The following PDGFRA variants were observed in gnomAD, a reference collection of about 807,000 sequenced individuals.
The protein encoded by PDGFRA is platelet derived growth factor receptor alpha, also known as platelet-derived growth factor receptor alpha.
Under a neutral mutation model 121.5 loss-of-function variants are expected in PDGFRA, and 25 were observed. The observed-to-expected ratio is 0.21, with a 90% CI of 0.15 to 0.29. The LOEUF (loss-of-function observed/expected upper bound fraction) is 0.29. PDGFRA is among the 10% of genes least tolerant of loss of function. The pLI is 1.00. For synonymous variants in PDGFRA, 463 were observed against 494.8 expected (o/e 0.94, Z 0.85); for missense variants, 1,008 against 1,345.1 (o/e 0.75, Z 3.92).
chr4:54,264,163 A>G (rs940356841), intron 4 of PDGFRA: 1 of 575,226 alleles, frequency 1.7e-6, no homozygotes, highest in Non-Finnish European at 3.1e-6. Flanking sequence ...TGACTTCAAA[A>G]TACTGTAAGG....
chr4:54,241,514 A>AATTTATTTATTT (rs34623203), intron 1 of PDGFRA, among the ~76,000 whole-genome samples: 8 of 148,470 alleles, frequency 5.4e-5, no homozygotes, highest in South Asian at 2.1e-4. Context: ...ACTGAAAGGA[A>AATTTATTTATTT]ATTTATTTAT....
At chr4:54,264,837 A>T (rs2110256830) in intron 4 of PDGFRA, 82 bp from the exon 5 acceptor site, 1 of 1,251,368 alleles carries the variant, frequency 8.0e-7, no homozygotes. Context: ...GTTTTCTTAA[A>T]AAAAAAAAAA....
chr4:54,260,421 T>G (rs937702457), intron 2 of PDGFRA, among the ~76,000 whole-genome samples: 18 of 146,184 alleles, frequency 1.2e-4, no homozygotes, highest in Admixed American at 5.4e-4. Flanking sequence ...TTTTTTTTTT[T>G]TTTTTGAGAC....
chr4:54,293,800 G>A (rs1724745579), intron 22 of PDGFRA, among the ~76,000 whole-genome samples: 1 of 152,066 alleles, frequency 6.6e-6, no homozygotes, highest in Admixed American at 6.6e-5. Flanking sequence ...GGCTGACGTG[G>A]TCAGATGGAG....
intron 6 of PDGFRA, 44 bp downstream of exon 6, chr4:54,267,504 G>T: frequency 1.9e-6 from 3 of 1,613,564 alleles, no homozygotes; most frequent in South Asian, 1.1e-5. Flanking sequence ...TGCTGCTCGG[G>T]ATCCATATGT....
chr4:54,239,495 T>C (rs1411567603), intron 1 of PDGFRA, among the ~76,000 whole-genome samples: 1 of 152,240 alleles, frequency 6.6e-6, no homozygotes, highest in African/African-American at 2.4e-5. Context: ...ATGACATCTT[T>C]TCTGGTGACC....
At chr4:54,286,106 A>C in intron 18 of PDGFRA, 143 bp downstream of exon 18, 1 of 863,884 alleles carries the variant, frequency 1.2e-6, no homozygotes, top group Admixed American at 1.9e-5. Flanking sequence ...TTGGCAGCAG[A>C]TTGCCCAGGT....
intron 3 of PDGFRA, among the ~76,000 whole-genome samples, chr4:54,261,622 C>A (rs1722720718): frequency 6.6e-6 from 1 of 152,014 alleles, no homozygotes; most frequent in South Asian, 2.1e-4. Context: ...GGAAAGTCAT[C>A]TTTGTTATGA....
chr4:54,291,861 G>C (rs1724649064), intron 22 of PDGFRA, among the ~76,000 whole-genome samples: 1 of 151,990 alleles, frequency 6.6e-6, no homozygotes, highest in African/African-American at 2.4e-5. Flanking sequence ...CGATAGCAAA[G>C]ACATGGAATC....
At chr4:54,284,502 G>A (rs936911208) in intron 16 of PDGFRA, among the ~76,000 whole-genome samples, 1 of 151,828 alleles carries the variant, frequency 6.6e-6, no homozygotes, top group South Asian at 2.1e-4. Flanking sequence ...TCCAATCATG[G>A]TGGAAGGTAA....
chr4:54,234,956 C>T (rs890228989), intron 1 of PDGFRA, among the ~76,000 whole-genome samples: 4 of 152,170 alleles, frequency 2.6e-5, no homozygotes, highest in Admixed American at 2.6e-4. Context: ...ACACTCCAGC[C>T]CCCTCCCATT....
chr4:54,298,173 G>T lies in PDGFRA; in HGVS notation c.*2901G>T, dbSNP rs1159759389. 1 of 208,364 alleles carries T rather than the reference G, an allele frequency of 4.8e-6. No individual in the cohort carries two copies. The highest frequency in any genetic ancestry group is 7.3e-5 in the East Asian group (1 of 13,656). 12.9% of individuals were successfully genotyped at this position (208,364 alleles called of 1,614,324 possible). On this transcript the variant is annotated 3_prime_UTR_variant, in exon 23 of 23. Coordinates refer to ENST00000257290, the MANE Select transcript of PDGFRA (RefSeq NM_006206.6). ...TACAAAATGTATTACGAATGCCCCT[G>T]TTCATGTTTTTGTTTTAAAACGTGT... is the stretch of plus-strand genomic sequence containing the variant.
chr4:54,263,156 G>A (rs1722844835), intron 3 of PDGFRA, among the ~76,000 whole-genome samples: 1 of 152,128 alleles, frequency 6.6e-6, no homozygotes, highest in South Asian at 2.1e-4. Flanking sequence ...ACTATAGGTG[G>A]TAAGAGTTTT....
At chr4:54,232,865 C>T (rs373650977) in intron 1 of PDGFRA, among the ~76,000 whole-genome samples, 1 of 152,166 alleles carries the variant, frequency 6.6e-6, no homozygotes, top group Non-Finnish European at 1.5e-5. Context: ...GATTTACAGG[C>T]GTAAGCCACC....
Position 54,241,333 on chromosome 4 carries a change from G to C in PDGFRA, c.-13+11918G>C, listed in dbSNP as rs75840303. Among the ~76,000 whole-genome samples, 980 of 152,152 alleles carry C rather than the reference G, an allele frequency of 6.4e-3. 7 individuals are homozygous for C. The highest frequency in any genetic ancestry group is 7.5e-3 in the Non-Finnish European group (510 of 67,994). ...GGAATGTTATAAAGAAATTTTATGA[G>C]AAAGGATCTTATATGATAAATTCTT... is the stretch of plus-strand genomic sequence containing the variant. On this transcript the variant is annotated intron_variant, in intron 1 of 22. Transcript: ENST00000257290.
At chr4:54,254,003 T>C (rs1339606883) in intron 1 of PDGFRA, among the ~76,000 whole-genome samples, 1 of 152,218 alleles carries the variant, frequency 6.6e-6, no homozygotes, top group Non-Finnish European at 1.5e-5. Context: ...CTGATTCTTA[T>C]AGTGCCATGT....
rs1723536023 is a variant in PDGFRA at position 54,273,634 on chromosome 4, G to A, written c.1462G>A (p.Val488Met). 1 of 1,614,062 alleles carries A rather than the reference G, an allele frequency of 6.2e-7. No individual in the cohort carries two copies. Among genetic ancestry groups the A allele is most frequent in the Non-Finnish European group, 8.5e-7 (1 of 1,180,006 alleles). The change falls in exon 10 of 23, where the codon GTG becomes ATG. Residue 488 changes from valine to methionine, a missense_variant. Physicochemically the swap from Val to Met is conservative, Grantham distance 21. Transcript: ENST00000257290. ...AGACAGGAGTACCGTGGAGGGCCGTGTGACTTTCGCCAAAGTGGAGGAGAC... is the reference window on the plus strand; with the variant it reads ...AGACAGGAGTACCGTGGAGGGCCGTATGACTTTCGCCAAAGTGGAGGAGAC... ...SRDRSTVEGR[V>M]TFAKVEETIA...
chr4:54,277,066 C>G, intron 12 of PDGFRA: 2 of 405,028 alleles, frequency 4.9e-6, no homozygotes, highest in Admixed American at 7.5e-5. Context: ...GGGTGAGAGC[C>G]CCGAAGGCAA....
rs1724723968 is a variant in PDGFRA, at chr4:54,293,369, T to C, written c.3123-1756T>C. ...TGTGCTTCTGTCAAGAGGTATGCAC[T>C]GTCCAGTTGTCTGCCTTTTGTAACA... On this transcript the variant is annotated intron_variant, in intron 22 of 22. Coordinates refer to ENST00000257290, the MANE Select transcript of PDGFRA (RefSeq NM_006206.6). Among the ~76,000 whole-genome samples the C allele has an allele frequency of 1.3e-5, 2 of 151,988 alleles. 1 individual carries two copies. Among genetic ancestry groups the C allele is most frequent in the South Asian group, 4.1e-4 (2 of 4,826 alleles).
Sources: allele counts gnomAD v4.1 joint callset (sites outside exome capture counted in the v4.1 genomes callset), GRCh38; gene constraint gnomAD v4.1.1; transcripts MANE v1.5; gene names NCBI Gene and HGNC (gene_info 2026-07-23, HGNC 2026-07-21).